COG2: variants seen among roughly 807,000 people sequenced by gnomAD.
COG2 encodes the protein conserved oligomeric Golgi complex subunit 2.
Under a neutral mutation model 90.6 loss-of-function variants are expected in COG2, and 52 were observed. The ratio of observed to expected loss-of-function variants is 0.57; its 90% CI spans 0.46 to 0.72. The LOEUF (loss-of-function observed/expected upper bound fraction) is 0.72, where lower values mean the gene tolerates loss of function less well. Ranked by LOEUF, COG2 falls within the 30% of genes least tolerant of loss-of-function variation. COG2 has a pLI of 0.00. For missense variants in COG2, 829 were observed against 891.2 expected (o/e 0.93, Z 0.89); for synonymous variants, 337 against 320.4 (o/e 1.05, Z -0.55).
intron 1 of COG2, among the ~76,000 whole-genome samples, chr1:230,647,611 C>A (rs757372868): frequency 1.3e-5 from 2 of 152,100 alleles, no homozygotes; most frequent in South Asian, 2.1e-4. Context: ...AAGAAACTTA[C>A]AGTTGCCCCT....
intron 1 of COG2, among the ~76,000 whole-genome samples, chr1:230,649,695 CATT>C (rs1206373601): frequency 1.3e-5 from 2 of 151,980 alleles, no homozygotes; most frequent in East Asian, 1.9e-4. Flanking sequence ...TTGGGTATCT[CATT>C]GTGGTTTTTC....
At chr1:230,664,699 G>A (rs948426327) in intron 5 of COG2, 112 bp downstream of exon 5, 22 of 543,466 alleles carry the variant, frequency 4.0e-5, no homozygotes, top group African/African-American at 5.9e-5. Flanking sequence ...CTATGGCTTA[G>A]TGTTTTTAAA....
At chr1:230,680,641 A>T (rs1662720380) in intron 10 of COG2, 1 of 152,210 alleles carries the variant, frequency 6.6e-6, no homozygotes, top group Admixed American at 6.5e-5. Context: ...CCTTCAAAGG[A>T]GCTGATTAGC....
chr1:230,676,873 ATTG>A (rs1662613575), intron 9 of COG2, among the ~76,000 whole-genome samples: 1 of 152,024 alleles, frequency 6.6e-6, no homozygotes, highest in Non-Finnish European at 1.5e-5. Flanking sequence ...CGTTAATTTA[ATTG>A]TTATTTCTTT....
At chr1:230,649,517 G>A (rs1375954973) in intron 1 of COG2, among the ~76,000 whole-genome samples, 1 of 152,068 alleles carries the variant, frequency 6.6e-6, no homozygotes, top group Non-Finnish European at 1.5e-5. Flanking sequence ...CTTTCATAGG[G>A]TTCCATTTTA....
chr1:230,673,893 A>G (rs1421618921), intron 8 of COG2, among the ~76,000 whole-genome samples: 1 of 152,250 alleles, frequency 6.6e-6, no homozygotes, highest in African/African-American at 2.4e-5. Context: ...CAGGAAAATT[A>G]TGAAAACTTT....
chr1:230,650,071 A>G (rs527959620), intron 1 of COG2, among the ~76,000 whole-genome samples: 110 of 152,324 alleles, frequency 7.2e-4, no homozygotes, highest in African/African-American at 2.5e-3. Flanking sequence ...TTAAGGCTGC[A>G]TAGTATTCTG....
chr1:230,689,937 C>T, intron 15 of COG2, 77 bp from the exon 16 acceptor site: 3 of 1,402,226 alleles, frequency 2.1e-6, no homozygotes, highest in Non-Finnish European at 2.9e-6. Context: ...TCCTTTTGGA[C>T]TTGAGTTCTG....
intron 1 of COG2, among the ~76,000 whole-genome samples, chr1:230,647,214 C>A (rs564712799): frequency 1.3e-5 from 2 of 152,248 alleles, no homozygotes; most frequent in African/African-American, 4.8e-5. Context: ...TGATTAGTAG[C>A]TATCTTGGTT....
chr1:230,691,983 G>T (rs1478150319), intron 17 of COG2, among the ~76,000 whole-genome samples: 1 of 152,072 alleles, frequency 6.6e-6, no homozygotes, highest in South Asian at 2.1e-4. Context: ...TAACTTCTCT[G>T]CTTCCCTGCT....
At chr1:230,687,967 C>A in intron 13 of COG2, 104 bp from the exon 14 acceptor site, 1 of 706,958 alleles carries the variant, frequency 1.4e-6, no homozygotes, top group Non-Finnish European at 2.3e-6. Flanking sequence ...ATTTTAAGTT[C>A]ACCATTCATT....
rs780953690 is a variant in COG2, at chr1:230,642,584, A to C, written c.-23A>C. The C allele has an allele frequency of 6.2e-7, 1 of 1,607,076 alleles. No individual in the cohort carries two copies. Among genetic ancestry groups the C allele is most frequent in the South Asian group, 1.1e-5 (1 of 89,494 alleles). On this transcript the variant is annotated 5_prime_UTR_variant, in exon 1 of 18. Transcript: ENST00000366669. ...TGCGTTTTCTCGCTTGGATCTTGGCACTGAGAGGCGGTGGCCGGCGGGATG... is the reference window on the plus strand; with the variant it reads ...TGCGTTTTCTCGCTTGGATCTTGGCCCTGAGAGGCGGTGGCCGGCGGGATG...
At chr1:230,654,572 C>T (rs966592261) in intron 1 of COG2, among the ~76,000 whole-genome samples, 1 of 152,126 alleles carries the variant, frequency 6.6e-6, no homozygotes, top group Admixed American at 6.5e-5. Flanking sequence ...GTTCCTTTTG[C>T]TTAGGATTGT....
At chr1:230,646,305 A>G (rs973900961) in intron 1 of COG2, among the ~76,000 whole-genome samples, 7 of 152,310 alleles carry the variant, frequency 4.6e-5, no homozygotes, top group Non-Finnish European at 7.3e-5. Context: ...ACTAGATGGA[A>G]GTCGATCCAC....
At chr1:230,664,178 G>A (rs1662257088) in intron 4 of COG2, among the ~76,000 whole-genome samples, 1 of 151,572 alleles carries the variant, frequency 6.6e-6, no homozygotes, top group African/African-American at 2.4e-5. Context: ...GATAGAGTGA[G>A]ACCCTGTCCT....
At chr1:230,665,813 C>CT (rs1662306395) in intron 5 of COG2, among the ~76,000 whole-genome samples, 1 of 152,194 alleles carries the variant, frequency 6.6e-6, no homozygotes, top group South Asian at 2.1e-4. Flanking sequence ...TGCTCTGCTT[C>CT]TGTCTTCCAC....
At chr1:230,676,821 G>A (rs1289769895) in intron 9 of COG2, among the ~76,000 whole-genome samples, 1 of 152,078 alleles carries the variant, frequency 6.6e-6, no homozygotes, top group Non-Finnish European at 1.5e-5. Flanking sequence ...AGAATTCTCA[G>A]CACTTTGAGT....
intron 1 of COG2, among the ~76,000 whole-genome samples, chr1:230,646,908 T>C (rs975922157): frequency 4.6e-5 from 7 of 152,140 alleles, no homozygotes; most frequent in African/African-American, 1.7e-4. Context: ...CTGAAATTTG[T>C]CTACTTCTCT....
At chr1:230,690,522 A>T (rs765428128) in intron 16 of COG2, among the ~76,000 whole-genome samples, 2 of 152,234 alleles carry the variant, frequency 1.3e-5, no homozygotes, top group Admixed American at 6.5e-5. Flanking sequence ...ATCATAACAG[A>T]TACTCAAAGG....
Sources: allele counts gnomAD v4.1 joint callset (sites outside exome capture counted in the v4.1 genomes callset), GRCh38; gene constraint gnomAD v4.1.1; transcripts MANE v1.5; gene names NCBI Gene and HGNC (gene_info 2026-07-23, HGNC 2026-07-21).